The following NTM variants were observed in gnomAD, a reference collection of about 807,000 sequenced individuals.
NTM encodes the protein IgLON family member 2.
Under a neutral mutation model 42.1 loss-of-function variants are expected in NTM, and 13 were observed. The ratio of observed to expected loss-of-function variants is 0.31; its 90% CI spans 0.20 to 0.49. The LOEUF is 0.49. Among genes scored for constraint, NTM ranks in the 20% least tolerant of loss-of-function variants. The pLI is 0.99. For synonymous variants in NTM, 187 were observed against 179.2 expected (o/e 1.04, Z -0.35); for missense variants, 373 against 452.8 (o/e 0.82, Z 1.60).
chr11:131,455,279 G>A (rs1363881724), intron 1 of NTM, among the ~76,000 whole-genome samples: 5 of 152,146 alleles, frequency 3.3e-5, no homozygotes, highest in Non-Finnish European at 2.9e-5. Context: ...GAGGTGTTAC[G>A]AGTAGACGGC....
At chr11:132,247,106 C>T (rs1292558044) in intron 4 of NTM, among the ~76,000 whole-genome samples, 1 of 152,180 alleles carries the variant, frequency 6.6e-6, no homozygotes, top group Non-Finnish European at 1.5e-5. Context: ...TTTTCACCCC[C>T]AAGTGTGGCC....
chr11:131,695,741 C>A (rs1257173491), intron 1 of NTM, among the ~76,000 whole-genome samples: 1 of 152,178 alleles, frequency 6.6e-6, no homozygotes, highest in Non-Finnish European at 1.5e-5. Flanking sequence ...TTTATTGTAA[C>A]AGAGGTCTTA....
At chr11:132,138,563 A>AATCTATCTATCT (rs6144568) in intron 2 of NTM, among the ~76,000 whole-genome samples, 7 of 127,178 alleles carry the variant, frequency 5.5e-5, no homozygotes, top group South Asian at 2.7e-4. Flanking sequence ...TTTTCAACAG[A>AATCTATCTATCT]ATCTATCTAT....
At chr11:132,259,789 G>A (rs991562851) in intron 4 of NTM, among the ~76,000 whole-genome samples, 4 of 151,638 alleles carry the variant, frequency 2.6e-5, no homozygotes, top group Admixed American at 6.6e-5. Flanking sequence ...TCTCTCTGTC[G>A]CCCAGGCTGT....
chr11:131,789,478 GAA>G (rs1393078272), intron 1 of NTM, among the ~76,000 whole-genome samples: 50 of 10,900 alleles, frequency 4.6e-3, no homozygotes, highest in East Asian at 0.011. Context: ...AGAAGAAGAA[GAA>G]GAAGAAGAAG....
chr11:132,152,293 G>A (rs1177520513), intron 3 of NTM, among the ~76,000 whole-genome samples: 2 of 152,154 alleles, frequency 1.3e-5, no homozygotes, highest in African/African-American at 2.4e-5. Flanking sequence ...TCCCATTCAA[G>A]CGAGTCAATG....
At chr11:131,425,450 C>A (rs1948036575) in intron 1 of NTM, among the ~76,000 whole-genome samples, 1 of 152,048 alleles carries the variant, frequency 6.6e-6, no homozygotes, top group Admixed American at 6.5e-5. Context: ...ATTAAAAGCC[C>A]AACAACATGA....
At chr11:131,991,503 C>T (rs953109558) in intron 2 of NTM, among the ~76,000 whole-genome samples, 2 of 152,088 alleles carry the variant, frequency 1.3e-5, no homozygotes, top group Non-Finnish European at 2.9e-5. Flanking sequence ...TAATAGAGAG[C>T]CAAGGACATA....
chr11:132,014,995 T>G (rs2073114088), intron 2 of NTM, among the ~76,000 whole-genome samples: 1 of 151,892 alleles, frequency 6.6e-6, no homozygotes, highest in Non-Finnish European at 1.5e-5. Flanking sequence ...GTTTCCCCCA[T>G]GTTTTCTTCT....
At chr11:131,862,724 C>T (rs917149799) in intron 1 of NTM, among the ~76,000 whole-genome samples, 1 of 152,150 alleles carries the variant, frequency 6.6e-6, no homozygotes, top group Non-Finnish European at 1.5e-5. Flanking sequence ...AAACTGCAAA[C>T]TGGTATTTAT....
chr11:131,527,463 T>A (rs1216491691), intron 1 of NTM, among the ~76,000 whole-genome samples: 1 of 152,188 alleles, frequency 6.6e-6, no homozygotes, highest in Non-Finnish European at 1.5e-5. Flanking sequence ...TTTCCCAAAT[T>A]AGTTTCCTGG....
intron 3 of NTM, among the ~76,000 whole-genome samples, chr11:132,152,486 T>G (rs2072183031): frequency 6.6e-6 from 1 of 152,182 alleles, no homozygotes; most frequent in Non-Finnish European, 1.5e-5. Flanking sequence ...AAATGTATAT[T>G]TGGTCTGGTC....
At chr11:132,249,156 C>T (rs1223133093) in intron 4 of NTM, among the ~76,000 whole-genome samples, 1 of 152,222 alleles carries the variant, frequency 6.6e-6, no homozygotes, top group Non-Finnish European at 1.5e-5. Flanking sequence ...CCCCTCTGAA[C>T]TGGCATCAGC....
At chr11:131,651,741 T>G (rs1311426251) in intron 1 of NTM, among the ~76,000 whole-genome samples, 3 of 152,104 alleles carry the variant, frequency 2.0e-5, no homozygotes, top group African/African-American at 7.2e-5. Flanking sequence ...CTTGGGAGGC[T>G]GAGGCAGGAG....
chr11:132,305,028 A>G (rs1469703784), intron 4 of NTM, among the ~76,000 whole-genome samples: 1 of 152,226 alleles, frequency 6.6e-6, no homozygotes, highest in Non-Finnish European at 1.5e-5. Flanking sequence ...ACATAAATAT[A>G]CAAAACTACA....
chr11:132,091,761 C>T (rs1009554870), intron 2 of NTM, among the ~76,000 whole-genome samples: 6 of 152,116 alleles, frequency 3.9e-5, no homozygotes, highest in South Asian at 2.1e-4. Flanking sequence ...GGATTACAGC[C>T]GTGAGCCACC....
intron 1 of NTM, among the ~76,000 whole-genome samples, chr11:131,883,011 T>C (rs567175269): frequency 1.3e-5 from 2 of 152,296 alleles, no homozygotes; most frequent in Admixed American, 1.3e-4. Flanking sequence ...ATAAAGTTGA[T>C]GACATATCCT....
chr11:131,407,982 C>T lies in NTM; in HGVS notation c.82+37094C>T, dbSNP rs930945604. ...TATTCACTGGTTACTCCGAAAGTAG[C>T]GCGGCCCCCAGCCAGGACTTCTTAT... On this transcript the variant is annotated intron_variant, in intron 1 of 8. Coordinates refer to ENST00000683400, the MANE Select transcript of NTM (RefSeq NM_001352005.2). Among the ~76,000 whole-genome samples, 9 of 152,290 alleles carry T rather than the reference C, an allele frequency of 5.9e-5. No homozygotes were observed. The East Asian group carries it at 1.2e-3, about 20-fold the overall frequency.
chr11:132,024,917 T>C (rs897957800), intron 2 of NTM, among the ~76,000 whole-genome samples: 6 of 152,210 alleles, frequency 3.9e-5, no homozygotes, highest in Non-Finnish European at 8.8e-5. Context: ...GACTATGCTG[T>C]GGAAACAAAT....
Sources: allele counts gnomAD v4.1 joint callset (sites outside exome capture counted in the v4.1 genomes callset), GRCh38; gene constraint gnomAD v4.1.1; transcripts MANE v1.5; gene names NCBI Gene and HGNC (gene_info 2026-07-23, HGNC 2026-07-21).